The following ZNF362 variants were observed in gnomAD, a reference collection of about 807,000 sequenced individuals.
The protein encoded by ZNF362 is zinc finger protein 362.
A neutral mutation model predicts 42.9 loss-of-function variants in ZNF362; 11 were observed. That is an observed-to-expected ratio of 0.26 (90% CI 0.16 to 0.42). ZNF362 has a LOEUF of 0.42. Among genes scored for constraint, ZNF362 ranks in the 20% least tolerant of loss-of-function variants. The pLI is 1.00. For synonymous variants in ZNF362, 255 were observed against 257.3 expected (o/e 0.99, Z 0.09); for missense variants, 362 against 576.2 (o/e 0.63, Z 3.81).
intron 1 of ZNF362, among the ~76,000 whole-genome samples, chr1:33,269,786 C>T (rs555820416): frequency 6.6e-6 from 1 of 152,270 alleles, no homozygotes; most frequent in Non-Finnish European, 1.5e-5. Flanking sequence ...AACCCTTCTG[C>T]CTTGCAGTGG....
rs1645980005 is a variant in ZNF362 at position 33,280,052 on chromosome 1, A to G, written c.350-72A>G. The G allele has an allele frequency of 9.4e-6, 14 of 1,491,864 alleles. No individual in the cohort carries two copies. The South Asian group carries it at 1.5e-4, about 16-fold the overall frequency. 92.4% of individuals were successfully genotyped at this position (1,491,864 alleles called of 1,614,324 possible). ...GGGGATGCTCGCCTGCCAAAATCAC[A>G]TAGCTGGGTGGGCAGCTGAGCTGGC... On this transcript the variant is annotated intron_variant, in intron 4 of 8. Coordinates refer to ENST00000539719, the MANE Select transcript of ZNF362 (RefSeq NM_152493.3). The surrounding 1 kb of genome is among the most constrained non-coding windows in gnomAD (Gnocchi z 5.6).
chr1:33,291,152 T>C (rs1245370173), intron 6 of ZNF362, among the ~76,000 whole-genome samples: 1 of 152,250 alleles, frequency 6.6e-6, no homozygotes, highest in East Asian at 1.9e-4. Context: ...GCCTATGTCC[T>C]GAATGGTAAT....
At chr1:33,129,729 C>T in the ZNF362 span, among the ~76,000 whole-genome samples, 11 of 152,188 alleles carry the variant, frequency 7.2e-5, no homozygotes, top group South Asian at 4.1e-4. The surrounding 1 kb of genome is among the most constrained non-coding windows in gnomAD (Gnocchi z 4.1). Flanking sequence ...CTAATATCAC[C>T]GATAAAGCTC....
chr1:33,151,227 G>A, the ZNF362 span, among the ~76,000 whole-genome samples: 6 of 152,222 alleles, frequency 3.9e-5, no homozygotes, highest in East Asian at 5.8e-4. Flanking sequence ...CCTGGCGAGC[G>A]GACCTGTGCT....
the ZNF362 span, among the ~76,000 whole-genome samples, chr1:33,183,001 G>A: frequency 6.6e-6 from 1 of 152,114 alleles, no homozygotes; most frequent in East Asian, 1.9e-4. Context: ...ATGTGTCTGC[G>A]GATGCACAGC....
chr1:33,274,729 A>G (rs906059852), intron 2 of ZNF362, among the ~76,000 whole-genome samples: 3 of 152,224 alleles, frequency 2.0e-5, no homozygotes, highest in African/African-American at 7.2e-5. Flanking sequence ...TTGCAAAGCA[A>G]ATTCCCCAGA....
At chr1:33,273,629 T>G (rs1278476604) in intron 2 of ZNF362, among the ~76,000 whole-genome samples, 4 of 152,190 alleles carry the variant, frequency 2.6e-5, no homozygotes, top group Non-Finnish European at 5.9e-5. Flanking sequence ...GGAGGAAACC[T>G]GAGGCTTAGA....
chr1:33,231,254 A>T, the ZNF362 span, among the ~76,000 whole-genome samples: 8 of 152,320 alleles, frequency 5.3e-5, no homozygotes, highest in South Asian at 1.7e-3. Context: ...TCACACACGT[A>T]TAGTCTAGCT....
Position 33,299,015 on chromosome 1 carries a change from C to T in ZNF362, c.1232C>T (p.Pro411Leu). Reference sequence around the variant, plus strand: ...CACTCGCCCCAGAGGACGGAGTCCCCCGGCATCCCGGTGCGAATCTCTCTC... The same window carrying T: ...CACTCGCCCCAGAGGACGGAGTCCCTCGGCATCCCGGTGCGAATCTCTCTC... ...SHHSPQRTES[P>L]GIPVRISLI Residue 411 changes from proline to leucine, a missense_variant, in exon 9 of 9, where the codon CCC becomes CTC. By Grantham distance (98) the Pro-to-Leu change is moderately conservative. Around this residue, in one of 3 missense-constraint regions of ZNF362, gnomAD observed 68 missense variants for 107.4 expected, o/e 0.63. Transcript: ENST00000539719. The T allele has an allele frequency of 6.2e-7, 1 of 1,611,628 alleles. No homozygotes were observed. The highest frequency in any genetic ancestry group is 8.5e-7 in the Non-Finnish European group (1 of 1,179,992).
the ZNF362 span, among the ~76,000 whole-genome samples, chr1:33,179,659 C>A: frequency 2.0e-5 from 3 of 152,110 alleles, no homozygotes; most frequent in African/African-American, 7.2e-5. Context: ...GTGGGCCAGG[C>A]CTTGCACCAG....
the ZNF362 span, among the ~76,000 whole-genome samples, chr1:33,192,487 T>G: frequency 6.6e-6 from 1 of 152,168 alleles, no homozygotes; most frequent in South Asian, 2.1e-4. Flanking sequence ...TAAATTAGCT[T>G]ATTTGGAAAG....
the ZNF362 span, among the ~76,000 whole-genome samples, chr1:33,137,760 A>G: frequency 2.6e-5 from 4 of 152,250 alleles, no homozygotes; most frequent in Non-Finnish European, 2.9e-5. Flanking sequence ...TCTGATACCT[A>G]CCTGCCCCTG....
the ZNF362 span, among the ~76,000 whole-genome samples, chr1:33,236,249 G>T: frequency 6.6e-6 from 1 of 151,746 alleles, no homozygotes; most frequent in African/African-American, 2.4e-5. Flanking sequence ...GAAGACAAAT[G>T]CTCATAAAAC....
At chr1:33,224,940 A>T in the ZNF362 span, among the ~76,000 whole-genome samples, 1 of 151,816 alleles carries the variant, frequency 6.6e-6, no homozygotes, top group African/African-American at 2.4e-5. Flanking sequence ...AAGAATCTAC[A>T]ATAGGACTGA....
At chr1:33,176,992 T>TA in the ZNF362 span, among the ~76,000 whole-genome samples, 1 of 152,048 alleles carries the variant, frequency 6.6e-6, no homozygotes, top group Non-Finnish European at 1.5e-5. Flanking sequence ...GTGGTCCAGG[T>TA]ACTCAGCAGT....
chr1:33,161,652 C>A, the ZNF362 span, among the ~76,000 whole-genome samples: 2 of 152,136 alleles, frequency 1.3e-5, no homozygotes, highest in Non-Finnish European at 2.9e-5. The surrounding 1 kb of genome is among the most constrained non-coding windows in gnomAD (Gnocchi z 4.3). Flanking sequence ...TGAGCCCCCT[C>A]ACCCGGGGAG....
At chr1:33,269,653 C>G (rs1175161076) in intron 1 of ZNF362, among the ~76,000 whole-genome samples, 1 of 152,204 alleles carries the variant, frequency 6.6e-6, no homozygotes, top group East Asian at 1.9e-4. Flanking sequence ...TCTCCTGCCT[C>G]AGCCTCTCAA....
chr1:33,273,467 G>C (rs1645920707), intron 2 of ZNF362, among the ~76,000 whole-genome samples: 1 of 152,222 alleles, frequency 6.6e-6, no homozygotes, highest in Admixed American at 6.5e-5. Context: ...CCTGATCAGG[G>C]TAGTGGCTCT....
chr1:33,181,554 G>T, the ZNF362 span: 1 of 1,419,012 alleles, frequency 7.0e-7, no homozygotes, highest in Non-Finnish European at 9.1e-7. This position sits in a 1 kb window ranked among gnomAD's most constrained non-coding sequence, Gnocchi z 6.5. Flanking sequence ...GCAGGGGTAG[G>T]AGCTACCGGA....
Sources: gnomAD v4.1 joint callset for allele counts (sites outside exome capture counted in the v4.1 genomes callset) on GRCh38, gnomAD v4.1.1 for gene constraint, gnomAD v4.1.1 regional missense constraint, Gnocchi (gnomAD v3.1) non-coding constraint, MANE v1.5 for transcripts, NCBI Gene and HGNC (gene_info 2026-07-23, HGNC 2026-07-21) for gene names.